TRMT1L: variants seen among roughly 807,000 people sequenced by gnomAD.
TRMT1L encodes the protein tRNA (guanine(27)-N(2))-dimethyltransferase.
In TRMT1L, 28 loss-of-function variants were observed where a neutral mutation model predicts 81.6. The observed-to-expected ratio is 0.34, with a 90% CI of 0.25 to 0.47. The LOEUF is 0.47. Among genes scored for constraint, TRMT1L ranks in the 20% least tolerant of loss-of-function variants. The pLI is 1.00. For synonymous variants in TRMT1L, 301 were observed against 303.2 expected (o/e 0.99, Z 0.07); for missense variants, 739 against 877.1 (o/e 0.84, Z 1.99).
Position 185,156,927 on chromosome 1 carries a change from T to C in TRMT1L, c.-215A>G. On this transcript the variant is annotated 5_prime_UTR_variant, in exon 1 of 15. Coordinates refer to ENST00000367506, the MANE Select transcript of TRMT1L (RefSeq NM_030934.5). The stretch of plus-strand genomic sequence containing the variant: ...CAGAGGCAGCGATTCCAGATGCCCG[T>C]CCGCTTCCCTTTCCCCGAGGCGTTA... 3.2e-6 allele frequency: 2 copies of C among 633,082 alleles called. No homozygotes were observed. The highest frequency in any genetic ancestry group is 3.6e-5 in the Admixed American group (1 of 27,762). 39.2% of individuals were successfully genotyped at this position (633,082 alleles called of 1,614,324 possible).
intron 13 of TRMT1L, among the ~76,000 whole-genome samples, chr1:185,121,957 TA>T (rs1048218139): frequency 6.6e-6 from 1 of 151,952 alleles, no homozygotes; most frequent in Admixed American, 6.6e-5. Context: ...CCCCATCTAG[TA>T]GTCCCCAGTG....
In TRMT1L at chr1:185,156,915, T is replaced by G. The variant is rs1307170330; in HGVS notation, c.-203A>C. 1.5e-6 allele frequency: 1 copy of G among 672,856 alleles called. No homozygotes were observed. The highest frequency in any genetic ancestry group is 3.3e-5 in the East Asian group (1 of 30,494). The allele number at this position is 672,856 out of a possible 1,614,324, so 41.7% of individuals were successfully genotyped here. A position where few individuals can be genotyped will look rare whatever the true frequency, so the allele number is the denominator to read the frequency against. On this transcript the variant is annotated 5_prime_UTR_variant, in exon 1 of 15. Coordinates refer to ENST00000367506, the MANE Select transcript of TRMT1L (RefSeq NM_030934.5). ...AAAACAGAAAGCCAGAGGCAGCGAT[T>G]CCAGATGCCCGTCCGCTTCCCTTTC...
chr1:185,130,194 TAAA>T (rs1652733664), intron 10 of TRMT1L, among the ~76,000 whole-genome samples: 1 of 152,108 alleles, frequency 6.6e-6, no homozygotes, highest in Non-Finnish European at 1.5e-5. Context: ...AATGAAGCGG[TAAA>T]GTAGAAAGAA....
rs527788481 is a variant in TRMT1L, at chr1:185,156,887, T to C, written c.-175A>G. Reference sequence around the variant, plus strand: ...AGAACCAGTGACCAAATCCTGTTAGTAGAAAACAGAAAGCCAGAGGCAGCG... The same window carrying C: ...AGAACCAGTGACCAAATCCTGTTAGCAGAAAACAGAAAGCCAGAGGCAGCG... On this transcript the variant is annotated 5_prime_UTR_variant, in exon 1 of 15. Coordinates refer to ENST00000367506, the MANE Select transcript of TRMT1L (RefSeq NM_030934.5). 1.2e-3 allele frequency: 1,079 copies of C among 885,128 alleles called. 2 individuals are homozygous for C. Among genetic ancestry groups the C allele is most frequent in the Admixed American group, 2.1e-3 (61 of 28,894 alleles). 54.8% of individuals were successfully genotyped at this position (885,128 alleles called of 1,614,324 possible).
chr1:185,139,908 C>T, intron 8 of TRMT1L, 65 bp downstream of exon 8: 1 of 1,510,172 alleles, frequency 6.6e-7, no homozygotes. Context: ...TAATTTTTAA[C>T]TACTCCTCGT....
Position 185,156,940 on chromosome 1 carries a change from C to G in TRMT1L, c.-228G>C. 1.6e-6 allele frequency: 1 copy of G among 609,848 alleles called. No homozygotes were observed. Among genetic ancestry groups the G allele is most frequent in the Non-Finnish European group, 2.7e-6 (1 of 367,020 alleles). The allele number at this position is 609,848 out of a possible 1,614,324, so 37.8% of individuals were successfully genotyped here. ...TCCAGATGCCCGTCCGCTTCCCTTTCCCCGAGGCGTTACGACGCCACCACA... is the reference window on the plus strand; with the variant it reads ...TCCAGATGCCCGTCCGCTTCCCTTTGCCCGAGGCGTTACGACGCCACCACA... On this transcript the variant is annotated 5_prime_UTR_variant, in exon 1 of 15. Coordinates refer to ENST00000367506, the MANE Select transcript of TRMT1L (RefSeq NM_030934.5).
At position 185,143,434 on chromosome 1, in the gene TRMT1L, T is replaced by G. The variant is rs1653103025; in HGVS notation, c.782A>C (p.Gln261Pro). Residue 261 changes from glutamine (Q) to proline (P), a missense_variant and splice_region_variant, in exon 7 of 15, where the codon CAG (glutamine) becomes CCG (proline). Physicochemically the swap from Gln to Pro is moderately conservative, Grantham distance 76. Around this residue, in one of 4 missense-constraint regions of TRMT1L, gnomAD observed 331 missense variants for 462.2 expected, o/e 0.72. Coordinates refer to ENST00000367506, the MANE Select transcript of TRMT1L (RefSeq NM_030934.5). The stretch of plus-strand genomic sequence containing the variant: ...AGCAGCCAATGTACAGAATATTAGC[T>G]GCCTAGAAGGAAATCATAATCTGAA... ...YFNPKMKLNR[Q>P]LIFCTLAALA... 1 of 1,605,124 alleles carries G rather than the reference T, an allele frequency of 6.2e-7. No individual in the cohort carries two copies. The highest frequency in any genetic ancestry group is 1.7e-5 in the Admixed American group (1 of 58,644).
intron 1 of TRMT1L, among the ~76,000 whole-genome samples, chr1:185,153,027 C>T (rs1205406405): frequency 2.6e-5 from 4 of 152,024 alleles, no homozygotes; most frequent in Non-Finnish European, 5.9e-5. Context: ...GAGAAAAAGC[C>T]AAGACCCAGT....
chr1:185,130,368 C>A (rs1052999740), intron 10 of TRMT1L, among the ~76,000 whole-genome samples: 1 of 152,088 alleles, frequency 6.6e-6, no homozygotes, highest in South Asian at 2.1e-4. Flanking sequence ...AATTAAACTA[C>A]AAGAATAAAT....
rs1652442546 is a variant in TRMT1L at position 185,119,496 on chromosome 1, A to G, written c.*523T>C. Reference sequence around the variant, plus strand: ...TGAAAAGATCAATGTGGAGAGAAGTATGATTTCTTAAAAATGGGTACATAT... The same window carrying G: ...TGAAAAGATCAATGTGGAGAGAAGTGTGATTTCTTAAAAATGGGTACATAT... On this transcript the variant is annotated 3_prime_UTR_variant, in exon 15 of 15. Coordinates refer to ENST00000367506, the MANE Select transcript of TRMT1L (RefSeq NM_030934.5). 1 of 152,238 alleles carries G rather than the reference A, an allele frequency of 6.6e-6. No homozygotes were observed. The highest frequency in any genetic ancestry group is 2.4e-5 in the African/African-American group (1 of 41,456). 9.4% of individuals were successfully genotyped at this position (152,238 alleles called of 1,614,324 possible).
At chr1:185,131,374 C>G (rs542758821) in intron 10 of TRMT1L, among the ~76,000 whole-genome samples, 1 of 152,032 alleles carries the variant, frequency 6.6e-6, no homozygotes, top group Non-Finnish European at 1.5e-5. Flanking sequence ...ACTACCATGA[C>G]AGACAGAGAA....
intron 1 of TRMT1L, among the ~76,000 whole-genome samples, chr1:185,154,433 T>G (rs563163449): frequency 5.6e-4 from 85 of 152,358 alleles, no homozygotes; most frequent in African/African-American, 2.0e-3. Flanking sequence ...TATAATGAGA[T>G]ATAATTTCTA....
chr1:185,156,708 T>A lies in TRMT1L; in HGVS notation c.5A>T (p.Glu2Val), dbSNP rs201874064. ...CAGCAGCTCCTCCTCCGCCATATTC[T>A]CCATAGTTACCGCCTCCGTGCCAAG... M[E>V]NMAEEELLPL... Residue 2 changes from glutamate to valine, a missense_variant, in exon 1 of 15, where the codon GAG (glutamate) becomes GTG (valine). By Grantham distance (121) the Glu-to-Val change is moderately radical. Around this residue, in one of 4 missense-constraint regions of TRMT1L, gnomAD observed 209 missense variants for 165.4 expected, o/e 1.26. Transcript: ENST00000367506. 1 of 1,612,482 alleles carries A rather than the reference T, an allele frequency of 6.2e-7. No homozygotes were observed. The highest frequency in any genetic ancestry group is 8.5e-7 in the Non-Finnish European group (1 of 1,179,804).
intron 10 of TRMT1L, 54 bp from the exon 11 acceptor site, chr1:185,128,801 G>C: frequency 1.5e-6 from 2 of 1,378,052 alleles, no homozygotes; most frequent in African/African-American, 1.4e-5. Flanking sequence ...AATACAAATA[G>C]TAGTAATTGT....
Position 185,120,493 on chromosome 1 carries a change from A to T in TRMT1L, c.1839T>A (p.Asn613Lys), listed in dbSNP as rs781569516. 2.5e-5 allele frequency: 39 copies of T among 1,586,218 alleles called. No homozygotes were observed. In the Admixed American group the frequency reaches 6.6e-4, roughly 27 times the overall value. The change falls in exon 14 of 15, where the codon AAT (asparagine) becomes AAA (lysine). Residue 613 changes from asparagine (N) to lysine (K), a missense_variant. By Grantham distance (94) the Asn-to-Lys change is moderately conservative. Around this residue, in one of 4 missense-constraint regions of TRMT1L, gnomAD observed 196 missense variants for 232.6 expected, o/e 0.84. Transcript: ENST00000367506. ...NYIAQGKRKS[N>K]EMITNLGKKQ... is the part of the protein sequence containing the mutation. The stretch of plus-strand genomic sequence containing the variant: ...TCTTGCCTAAATTTGTGATCATTTC[A>T]TTACTTTTTCTCTTTCCTGCAACAT...
intron 4 of TRMT1L, among the ~76,000 whole-genome samples, chr1:185,146,260 G>C (rs1400920130): frequency 1.3e-5 from 2 of 151,950 alleles, no homozygotes; most frequent in Non-Finnish European, 2.9e-5. Flanking sequence ...ATTTGAGCCA[G>C]CTCCAGTACC....
At chr1:185,126,098 T>A (rs569109307) in intron 11 of TRMT1L, among the ~76,000 whole-genome samples, 1 of 152,140 alleles carries the variant, frequency 6.6e-6, no homozygotes, top group Non-Finnish European at 1.5e-5. Context: ...TTACTAGTTA[T>A]GTAATCTTTT....
intron 6 of TRMT1L, 111 bp from the exon 7 acceptor site, chr1:185,143,547 A>G (rs1467902962): frequency 1.1e-6 from 1 of 870,058 alleles, no homozygotes; most frequent in Non-Finnish European, 1.7e-6. Flanking sequence ...AAACTATTTC[A>G]AAAGGAGACC....
At chr1:185,125,262 A>G in intron 11 of TRMT1L, 152 bp from the exon 12 acceptor site, 1 of 513,836 alleles carries the variant, frequency 1.9e-6, no homozygotes, top group East Asian at 3.5e-5. Flanking sequence ...TTAATTTAAA[A>G]CTGTTTATTT....
Sources: gnomAD v4.1 joint callset for allele counts (sites outside exome capture counted in the v4.1 genomes callset) on GRCh38, gnomAD v4.1.1 for gene constraint, gnomAD v4.1.1 regional missense constraint, MANE v1.5 for transcripts, NCBI Gene and HGNC (gene_info 2026-07-23, HGNC 2026-07-21) for gene names.